Variants in NAV3 observed in about 807,000 individuals in gnomAD.
NAV3 encodes neuron navigator 3.
Under a neutral mutation model 244.7 loss-of-function variants are expected in NAV3, and 87 were observed. The ratio of observed to expected loss-of-function variants is 0.36; its 90% CI spans 0.30 to 0.42. NAV3 has a LOEUF of 0.42. NAV3 is among the 20% of genes least tolerant of loss of function. NAV3 has a pLI of 1.00. For synonymous variants in NAV3, 1,126 were observed against 1,042.2 expected, an observed-to-expected ratio of 1.08 and a Z score of -1.55; for missense variants, 2,663 against 2,893.3, an observed-to-expected ratio of 0.92 and a Z score of 1.83.
chr12:78,194,562 G>A (rs954107895), intron 34 of NAV3, among the ~76,000 whole-genome samples: 1 of 151,818 alleles, frequency 6.6e-6, no homozygotes, highest in South Asian at 2.1e-4. Flanking sequence ...CATTCTCTTG[G>A]CTGGTCTTGC....
chr12:78,143,689 A>G (rs914815800), intron 20 of NAV3, among the ~76,000 whole-genome samples: 3 of 151,946 alleles, frequency 2.0e-5, no homozygotes, highest in Admixed American at 2.0e-4. Flanking sequence ...AATCTAAGCC[A>G]ACACTGTGAA....
intron 1 of NAV3, among the ~76,000 whole-genome samples, chr12:77,843,485 C>T (rs907887107): frequency 1.3e-5 from 2 of 149,974 alleles, no homozygotes; most frequent in Non-Finnish European, 3.0e-5. Flanking sequence ...ATATAGATTC[C>T]TAAAAAGAAC....
At position 77,872,579 on chromosome 12, in the gene NAV3, G is replaced by A. The variant is rs902373626; in HGVS notation, c.243+40875G>A. Among the ~76,000 whole-genome samples, 16 of 152,092 alleles carry A rather than the reference G, an allele frequency of 1.1e-4. 2 individuals are homozygous for A. Among genetic ancestry groups the A allele is most frequent in the Admixed American group, 9.8e-4 (15 of 15,260 alleles). On this transcript the variant is annotated intron_variant, in intron 1 of 39. Transcript: ENST00000397909. ...GTCCAGGATCCAAGGTCTAGGTTTA[G>A]GACAGAACCACTAGTTCATGGCAAT... is the stretch of plus-strand genomic sequence containing the variant.
intron 2 of NAV3, among the ~76,000 whole-genome samples, chr12:77,573,526 A>G (rs75831281): frequency 2.0e-5 from 3 of 152,230 alleles, no homozygotes; most frequent in Non-Finnish European, 4.4e-5. Context: ...TTGTGTTACA[A>G]ATAAGTTTGT....
chr12:77,629,462 C>T lies in NAV3; in HGVS notation c.72+57196C>T, dbSNP rs1871787811. ...ATCATCCACAAATATTTATTCAGTGCCCATTATTTAATCTGCATTGTGATT... is the reference window on the plus strand; with the variant it reads ...ATCATCCACAAATATTTATTCAGTGTCCATTATTTAATCTGCATTGTGATT... On this transcript the variant is annotated intron_variant, in intron 2 of 8. Transcript: ENST00000550042. Among the ~76,000 whole-genome samples the T allele has an allele frequency of 2.0e-5, 3 of 152,156 alleles. No homozygotes were observed. The South Asian group carries it at 6.2e-4, about 31-fold the overall frequency.
At chr12:78,117,160 TATATATATATATATA>T (rs1955429927) in intron 13 of NAV3, among the ~76,000 whole-genome samples, 8 of 108,788 alleles carry the variant, frequency 7.4e-5, no homozygotes, top group African/African-American at 2.4e-4. Flanking sequence ...AGAAGCAGCA[TATATATATATATATA>T]TATATATATA....
chr12:77,988,801 T>C (rs1217655595), intron 5 of NAV3, among the ~76,000 whole-genome samples: 1 of 152,172 alleles, frequency 6.6e-6, no homozygotes, highest in East Asian at 1.9e-4. Context: ...CACCTGTGTC[T>C]GTTTTACTAG....
chr12:77,988,300 T>C (rs1284351335), intron 5 of NAV3, among the ~76,000 whole-genome samples: 2 of 152,162 alleles, frequency 1.3e-5, no homozygotes. Context: ...CTGTAGTGAT[T>C]AGTAAAAATG....
chr12:77,766,735 G>GTTTGTTTTTTTT (rs1555202961), intron 2 of NAV3, among the ~76,000 whole-genome samples: 866 of 60,506 alleles, frequency 0.014, 245 homozygotes, highest in Middle Eastern at 0.045. Flanking sequence ...AGGCAATTAA[G>GTTTGTTTTTTTT]TTTTTTTTTT....
At chr12:77,596,315 C>T (rs565055368) in intron 2 of NAV3, among the ~76,000 whole-genome samples, 119 of 152,232 alleles carry the variant, frequency 7.8e-4, no homozygotes, top group African/African-American at 2.6e-3. Context: ...ATCACATTAA[C>T]TGCTTTTATT....
intron 1 of NAV3, among the ~76,000 whole-genome samples, chr12:77,870,210 C>G (rs1360383571): frequency 6.6e-6 from 1 of 151,632 alleles, no homozygotes; most frequent in Non-Finnish European, 1.5e-5. Flanking sequence ...ACTAAAAATA[C>G]AAAAATTACC....
chr12:77,977,955 T>G (rs78542806), intron 5 of NAV3, among the ~76,000 whole-genome samples: 44,541 of 151,956 alleles, frequency 0.29, 6,671 homozygotes, highest in African/African-American at 0.36. Context: ...AAATGCCTTT[T>G]TTACGGGATT....
At chr12:77,668,999 C>T (rs184616451) in intron 2 of NAV3, among the ~76,000 whole-genome samples, 4 of 152,280 alleles carry the variant, frequency 2.6e-5, no homozygotes, top group Non-Finnish European at 2.9e-5. Context: ...TATTTTTATC[C>T]TCCTTAAACG....
intron 2 of NAV3, among the ~76,000 whole-genome samples, chr12:77,644,628 A>G (rs1482840617): frequency 6.6e-6 from 1 of 152,098 alleles, no homozygotes; most frequent in African/African-American, 2.4e-5. Flanking sequence ...AACTGGGCAA[A>G]TAACAAGCAT....
chr12:78,046,944 G>A (rs555903071), intron 9 of NAV3, among the ~76,000 whole-genome samples: 2 of 152,264 alleles, frequency 1.3e-5, no homozygotes, highest in African/African-American at 4.8e-5. Context: ...ATTTAGGATA[G>A]TTAGCTTTTC....
chr12:77,846,658 T>G (rs1051647956), intron 1 of NAV3, among the ~76,000 whole-genome samples: 2 of 152,226 alleles, frequency 1.3e-5, no homozygotes, highest in Non-Finnish European at 2.9e-5. Context: ...TATTTATCAA[T>G]TTTTAAATAT....
intron 2 of NAV3, among the ~76,000 whole-genome samples, chr12:77,668,798 C>G (rs965611814): frequency 2.0e-5 from 3 of 152,104 alleles, no homozygotes; most frequent in African/African-American, 7.2e-5. Flanking sequence ...GCTCAAAGAA[C>G]CACCTGGGAA....
chr12:77,596,827 A>G (rs557269978), intron 2 of NAV3, among the ~76,000 whole-genome samples: 1 of 152,224 alleles, frequency 6.6e-6, no homozygotes, highest in East Asian at 1.9e-4. Context: ...AAAGATGCAG[A>G]AACCTGAACT....
intron 2 of NAV3, among the ~76,000 whole-genome samples, chr12:77,587,829 T>C (rs1455465366): frequency 6.6e-6 from 1 of 152,150 alleles, no homozygotes; most frequent in East Asian, 1.9e-4. Flanking sequence ...TTAAAGCCAA[T>C]GAAAACCTTA....
Sources: allele counts gnomAD v4.1 joint callset (sites outside exome capture counted in the v4.1 genomes callset), GRCh38; gene constraint gnomAD v4.1.1; transcripts MANE v1.5; gene names NCBI Gene and HGNC (gene_info 2026-07-23, HGNC 2026-07-21).